The following MTX2 variants were observed in gnomAD, a reference collection of about 807,000 sequenced individuals.
The protein encoded by MTX2 is metaxin-2.
In MTX2, 35 loss-of-function variants were observed where a neutral mutation model predicts 42.3. The ratio of observed to expected loss-of-function variants is 0.83; its 90% CI spans 0.63 to 1.10. MTX2 has a LOEUF of 1.10. MTX2 is among the 50% of genes least tolerant of loss of function. The pLI, the probability that MTX2 is intolerant of heterozygous loss-of-function variation, is 0.00. For missense variants in MTX2, 307 were observed against 304.1 expected (o/e 1.01, Z -0.07); for synonymous variants, 119 against 100.9 (o/e 1.18, Z -1.08).
At chr2:176,312,601 C>T (rs186941198) in intron 3 of MTX2, among the ~76,000 whole-genome samples, 4 of 152,102 alleles carry the variant, frequency 2.6e-5, no homozygotes, top group East Asian at 1.9e-4. Context: ...TGGTGTCTCA[C>T]GCCTGTAATC....
chr2:176,328,481 A>G (rs1476235197), intron 6 of MTX2, 96 bp downstream of exon 6: 1 of 784,730 alleles, frequency 1.3e-6, no homozygotes, highest in Non-Finnish European at 1.9e-6. Flanking sequence ...GAGAAATGGG[A>G]AAATAGTCAA....
chr2:176,275,477 G>T (rs1451958572), intron 1 of MTX2, among the ~76,000 whole-genome samples: 2 of 152,080 alleles, frequency 1.3e-5, no homozygotes, highest in African/African-American at 4.8e-5. Context: ...GGCCTCAAGT[G>T]TTCTGCCTGC....
Position 176,269,666 on chromosome 2 carries a change from G to A in MTX2, c.37G>A (p.Ala13Thr), listed in dbSNP as rs1692747365. 1.9e-6 allele frequency: 3 copies of A among 1,596,412 alleles called. No homozygotes were observed. The Admixed American group carries it at 5.1e-5, about 27-fold the overall frequency. ...GGCGGAAGCCTTCGTCTCCCAGATT[G>A]CAGGTAGCGCGGCTGGCCGCAGACC... ...LVAEAFVSQI[A>T]AAEPWPENAT... Residue 13 changes from alanine (A) to threonine (T), a missense_variant, in exon 1 of 10, where the codon GCA becomes ACA. Ala to Thr is a moderately conservative substitution (Grantham distance 58). Transcript: ENST00000249442.
chr2:176,271,647 A>T (rs1175174283), intron 1 of MTX2, among the ~76,000 whole-genome samples: 1 of 152,160 alleles, frequency 6.6e-6, no homozygotes, highest in East Asian at 1.9e-4. Context: ...CATGGGGAAA[A>T]GTTACTCTCA....
intron 1 of MTX2, among the ~76,000 whole-genome samples, chr2:176,279,003 A>C (rs1338881785): frequency 6.6e-6 from 1 of 152,210 alleles, no homozygotes; most frequent in Non-Finnish European, 1.5e-5. Flanking sequence ...GTAATAAAGA[A>C]GGTTCTTTTC....
intron 9 of MTX2, 29 bp from the exon 10 acceptor site, chr2:176,337,464 A>C (rs1451250663): frequency 6.5e-7 from 1 of 1,529,546 alleles, no homozygotes; most frequent in African/African-American, 1.4e-5. Flanking sequence ...AATGCTACTT[A>C]CTCACATTAC....
rs1436131314 is a variant in MTX2 at position 176,328,249 on chromosome 2, T to A, written c.286-44T>A. On this transcript the variant is annotated intron_variant, in intron 5 of 9. Transcript: ENST00000249442. ...AGTGAGATAACTGAAAGTTTTTGTA[T>A]ATTTAATATGATGTTCTTTTAAATT... 4 of 1,279,764 alleles carry A rather than the reference T, an allele frequency of 3.1e-6. No homozygotes were observed. In the African/African-American group the frequency reaches 6.1e-5, roughly 20 times the overall value. 79.3% of individuals were successfully genotyped at this position (1,279,764 alleles called of 1,614,324 possible).
At chr2:176,284,243 C>T (rs1244741172) in intron 1 of MTX2, among the ~76,000 whole-genome samples, 1 of 151,996 alleles carries the variant, frequency 6.6e-6, no homozygotes, top group Admixed American at 6.6e-5. Flanking sequence ...CCATGTCCAG[C>T]TATGATGGAT....
intron 1 of MTX2, among the ~76,000 whole-genome samples, chr2:176,292,788 G>A (rs963331925): frequency 5.9e-5 from 9 of 152,020 alleles, no homozygotes; most frequent in African/African-American, 2.2e-4. Context: ...ATCCTAAAAG[G>A]TTATTTTTTC....
At chr2:176,290,915 A>G (rs1693314152) in intron 1 of MTX2, among the ~76,000 whole-genome samples, 2 of 152,186 alleles carry the variant, frequency 1.3e-5, no homozygotes, top group Admixed American at 1.3e-4. Flanking sequence ...TATTAAATAT[A>G]TAGTTTACAT....
Position 176,329,326 on chromosome 2 carries a change from C to T in MTX2, c.443C>T (p.Pro148Leu), listed in dbSNP as rs969077633. 6.2e-7 allele frequency: 1 copy of T among 1,607,304 alleles called. No homozygotes were observed. The highest frequency in any genetic ancestry group is 1.7e-5 in the Admixed American group (1 of 59,610). ...GEITHARYGSPYPWPLNHILA... is the reference protein window; with the variant it reads ...GEITHARYGSLYPWPLNHILA... ...ATCACTCATGCTAGGTATGGATCTC[C>T]TTACCCTTGGCCTCTGAATCATATT... The change falls in exon 8 of 10, where the codon CCT (proline) becomes CTT (leucine). Residue 148 changes from proline (P) to leucine (L), a missense_variant. Transcript: ENST00000249442.
intron 3 of MTX2, among the ~76,000 whole-genome samples, chr2:176,321,131 C>T (rs918948090): frequency 6.6e-6 from 1 of 152,098 alleles, no homozygotes; most frequent in Non-Finnish European, 1.5e-5. Flanking sequence ...AACTCTTCTC[C>T]TCCCTTCTTC....
chr2:176,323,608 A>G (rs1474542391), intron 4 of MTX2, 144 bp downstream of exon 4: 7 of 727,610 alleles, frequency 9.6e-6, no homozygotes, highest in Middle Eastern at 4.0e-4. Context: ...GAAAGTAACA[A>G]TTGCAAATTT....
intron 9 of MTX2, among the ~76,000 whole-genome samples, chr2:176,332,080 C>G (rs1684876291): frequency 6.6e-6 from 1 of 151,124 alleles, no homozygotes; most frequent in African/African-American, 2.4e-5. Flanking sequence ...TAGAACAGTT[C>G]AAACACCAAA....
intron 3 of MTX2, among the ~76,000 whole-genome samples, chr2:176,316,879 T>C (rs1458826154): frequency 6.6e-6 from 1 of 152,152 alleles, no homozygotes; most frequent in East Asian, 1.9e-4. Context: ...TATGTTCATA[T>C]TATGTATTTA....
chr2:176,305,190 G>A (rs6748172), intron 3 of MTX2, among the ~76,000 whole-genome samples: 29,504 of 151,866 alleles, frequency 0.19, 3,220 homozygotes, highest in South Asian at 0.29. Flanking sequence ...TCATTGGCAA[G>A]TGTTTCAATA....
At chr2:176,323,063 T>G (rs2105439570) in intron 3 of MTX2, among the ~76,000 whole-genome samples, 1 of 151,914 alleles carries the variant, frequency 6.6e-6, no homozygotes, top group Non-Finnish European at 1.5e-5. Flanking sequence ...GTCATCTACT[T>G]AAGAAAATTA....
chr2:176,294,433 G>C (rs1575040979), intron 1 of MTX2, among the ~76,000 whole-genome samples: 1 of 151,990 alleles, frequency 6.6e-6, no homozygotes, highest in Non-Finnish European at 1.5e-5. Context: ...ACAGGCGCCA[G>C]CCACCACGCC....
At chr2:176,283,758 A>G (rs1220234397) in intron 1 of MTX2, among the ~76,000 whole-genome samples, 1 of 152,208 alleles carries the variant, frequency 6.6e-6, no homozygotes, top group African/African-American at 2.4e-5. Flanking sequence ...TTCTGTCTCT[A>G]GAGTTAGATT....
Sources: allele counts gnomAD v4.1 joint callset (sites outside exome capture counted in the v4.1 genomes callset), GRCh38; gene constraint gnomAD v4.1.1; transcripts MANE v1.5; gene names NCBI Gene and HGNC (gene_info 2026-07-23, HGNC 2026-07-21).